The following CREM variants were observed in gnomAD, a reference collection of about 807,000 sequenced individuals.
CREM encodes cAMP responsive element modulator, also known as cAMP-responsive element modulator.
A neutral mutation model predicts 37.3 loss-of-function variants in CREM; 13 were observed. The ratio of observed to expected loss-of-function variants is 0.35; its 90% CI spans 0.23 to 0.55. CREM has a LOEUF of 0.55. Ranked by LOEUF, CREM falls within the 20% of genes least tolerant of loss-of-function variation. The pLI, the probability that CREM is intolerant of heterozygous loss-of-function variation, is 0.88. For synonymous variants in CREM, 124 were observed against 120.2 expected (o/e 1.03, Z -0.21); for missense variants, 296 against 362.3 (o/e 0.82, Z 1.49).
chr10:35,147,574 TAAC>T (rs1287117358), intron 2 of CREM, among the ~76,000 whole-genome samples: 1 of 152,182 alleles, frequency 6.6e-6, no homozygotes, highest in Non-Finnish European at 1.5e-5. Flanking sequence ...GACTTAGTGA[TAAC>T]AAAGCAAGAC....
chr10:35,147,528 T>C (rs2092264702), intron 2 of CREM, among the ~76,000 whole-genome samples: 1 of 152,192 alleles, frequency 6.6e-6, no homozygotes, highest in Non-Finnish European at 1.5e-5. Flanking sequence ...AATTAGGTCC[T>C]CTTTTTTCAA....
In CREM at chr10:35,211,997, T is replaced by G. The variant is rs1260053397; in HGVS notation, c.*599T>G. On this transcript the variant is annotated 3_prime_UTR_variant, in exon 8 of 8. Transcript: ENST00000685392. The stretch of plus-strand genomic sequence containing the variant: ...TTCAAATTTTTTAAAAGAGACAAAC[T>G]GTAAAAAATGTGTGTATTCTTAAAA... 8.4e-6 allele frequency: 4 copies of G among 476,874 alleles called. No individual in the cohort carries two copies. Among genetic ancestry groups the G allele is most frequent in the Non-Finnish European group, 1.4e-5 (4 of 283,432 alleles). 29.5% of individuals were successfully genotyped at this position (476,874 alleles called of 1,614,324 possible).
At chr10:35,177,587 C>T in intron 3 of CREM, among the ~76,000 whole-genome samples, 1 of 152,220 alleles carries the variant, frequency 6.6e-6, no homozygotes, top group African/African-American at 2.4e-5. Context: ...ATGTGAGCCA[C>T]AGCACCCGGC....
At chr10:35,181,215 A>G (rs11010117) in intron 5 of CREM, among the ~76,000 whole-genome samples, 1 of 152,184 alleles carries the variant, frequency 6.6e-6, no homozygotes, top group Non-Finnish European at 1.5e-5. Context: ...TTGCAAACTC[A>G]ATGATCAGAG....
chr10:35,149,011 T>C (rs573081649), intron 3 of CREM, among the ~76,000 whole-genome samples: 44 of 152,368 alleles, frequency 2.9e-4, no homozygotes, highest in African/African-American at 1.0e-3. Context: ...GTTCATCAAA[T>C]ATTTATTGAA....
intron 7 of CREM, chr10:35,209,274 T>C (rs2095611079): frequency 1.0e-6 from 1 of 981,402 alleles, no homozygotes; most frequent in Non-Finnish European, 1.2e-6. Flanking sequence ...TTATATCGTA[T>C]TTCTGCCAAT....
At chr10:35,158,798 G>GTGTTTTTTT (rs2093078412) in intron 3 of CREM, among the ~76,000 whole-genome samples, 1 of 100,840 alleles carries the variant, frequency 9.9e-6, no homozygotes, top group African/African-American at 3.5e-5. Context: ...CAAATATAGT[G>GTGTTTTTTT]TTTTTTTTTT....
At chr10:35,195,191 T>G (rs1450206464) in intron 6 of CREM, 2 of 1,614,008 alleles carry the variant, frequency 1.2e-6, no homozygotes, top group Non-Finnish European at 1.7e-6. Flanking sequence ...AAGCCCATTA[T>G]GGCTGTAACT....
At chr10:35,147,050 T>G (rs915723090) in intron 2 of CREM, among the ~76,000 whole-genome samples, 5 of 71,502 alleles carry the variant, frequency 7.0e-5, no homozygotes, top group Admixed American at 5.7e-4. Context: ...GGTTTTTTTT[T>G]TTTTTTTTTT....
At chr10:35,168,932 GCT>G (rs2093676866) in intron 3 of CREM, among the ~76,000 whole-genome samples, 1 of 152,086 alleles carries the variant, frequency 6.6e-6, no homozygotes, top group African/African-American at 2.4e-5. Context: ...ACTTCTGAGG[GCT>G]CTGTTCTGTT....
intron 6 of CREM, among the ~76,000 whole-genome samples, chr10:35,191,590 T>G (rs1424311283): frequency 6.6e-6 from 1 of 152,162 alleles, no homozygotes; most frequent in African/African-American, 2.4e-5. Context: ...TCTTTGTGGA[T>G]TCTCAGTGCC....
In CREM at chr10:35,188,298, C is replaced by T. The variant is rs2094741719; in HGVS notation, c.508C>T (p.Pro170Ser). ...ALTMTNSGAP[P>S]PGATIVQYAA... ...AACAATGACAAATTCAGGAGCTCCT[C>T]CACCAGGTGCTACAATTGTACAGTA... The change falls in exon 6 of 8, where the codon CCA (proline) becomes TCA (serine). Residue 170 changes from proline to serine, a missense_variant. Pro to Ser is a moderately conservative substitution (Grantham distance 74, BLOSUM62 -1). This residue lies in a region of CREM where 257 missense variants were observed against 280.2 expected (regional missense o/e 0.92). Coordinates refer to ENST00000685392, the MANE Select transcript of CREM (RefSeq NM_183011.2). The T allele has an allele frequency of 1.2e-6, 2 of 1,614,036 alleles. No individual in the cohort carries two copies. Among genetic ancestry groups the T allele is most frequent in the Non-Finnish European group, 8.5e-7 (1 of 1,180,022 alleles).
intron 3 of CREM, among the ~76,000 whole-genome samples, chr10:35,160,794 A>AT (rs1259709978): frequency 6.6e-6 from 1 of 152,036 alleles, no homozygotes; most frequent in South Asian, 2.1e-4. Flanking sequence ...GAAATTTTTT[A>AT]TTTTTTTTAT....
intron 3 of CREM, among the ~76,000 whole-genome samples, chr10:35,160,938 A>G (rs1268453260): frequency 6.6e-6 from 1 of 152,146 alleles, no homozygotes; most frequent in East Asian, 1.9e-4. Flanking sequence ...GGGAAAGAAC[A>G]CTCATGGAGC....
chr10:35,151,314 CT>C (rs2092584422), intron 3 of CREM, among the ~76,000 whole-genome samples: 1 of 151,986 alleles, frequency 6.6e-6, no homozygotes, highest in Non-Finnish European at 1.5e-5. Context: ...TGCTGTTTTT[CT>C]ATTTTATATT....
intron 3 of CREM, among the ~76,000 whole-genome samples, chr10:35,170,662 T>G (rs1463374271): frequency 6.6e-6 from 1 of 152,230 alleles, no homozygotes; most frequent in Non-Finnish European, 1.5e-5. Flanking sequence ...TATCCATTTC[T>G]TCTAGATTTT....
At chr10:35,134,301 C>T (rs918880909) in intron 1 of CREM, among the ~76,000 whole-genome samples, 2 of 152,232 alleles carry the variant, frequency 1.3e-5, no homozygotes. Context: ...ACTGCAACCT[C>T]TGCCTCTTGG....
chr10:35,135,836 A>G (rs2090417999), intron 1 of CREM, among the ~76,000 whole-genome samples: 1 of 152,164 alleles, frequency 6.6e-6, no homozygotes, highest in South Asian at 2.1e-4. Flanking sequence ...TAAAGAATTC[A>G]AAGAGGACAA....
intron 3 of CREM, among the ~76,000 whole-genome samples, chr10:35,151,514 T>G (rs183247980): frequency 2.6e-5 from 4 of 152,330 alleles, no homozygotes; most frequent in Admixed American, 2.6e-4. Flanking sequence ...TAGCTGGGAT[T>G]ACAGGCATGT....
Sources: gnomAD v4.1 joint callset for allele counts (sites outside exome capture counted in the v4.1 genomes callset) on GRCh38, gnomAD v4.1.1 for gene constraint, gnomAD v4.1.1 regional missense constraint, MANE v1.5 for transcripts, NCBI Gene and HGNC (gene_info 2026-07-23, HGNC 2026-07-21) for gene names.